The following TOX3 variants were observed in gnomAD, a reference collection of about 807,000 sequenced individuals.
The protein encoded by TOX3 is CAG trinucleotide repeat-containing gene F9 protein.
TOX3 carries 22 observed loss-of-function variants against 64.3 expected under a neutral mutation model. The observed-to-expected ratio is 0.34, with a 90% CI of 0.24 to 0.49. The LOEUF is 0.49. Ranked by LOEUF, TOX3 falls within the 20% of genes least tolerant of loss-of-function variation. The probability of loss-of-function intolerance (pLI) is 0.99; values close to 1 mark genes in which losing one functional copy is unlikely to be tolerated. For missense variants in TOX3, 661 were observed against 714.4 expected (o/e 0.93, Z 0.85); for synonymous variants, 291 against 273.6 (o/e 1.06, Z -0.63).
intron 1 of TOX3, among the ~76,000 whole-genome samples, chr16:52,469,090 G>A (rs533037282): frequency 9.2e-5 from 14 of 152,218 alleles, no homozygotes; most frequent in African/African-American, 3.1e-4. Context: ...TAAGACTAAA[G>A]AATATTTTTA....
chr16:52,486,003 C>T (rs1009389913), intron 1 of TOX3, among the ~76,000 whole-genome samples: 4 of 152,146 alleles, frequency 2.6e-5, no homozygotes, highest in South Asian at 2.1e-4. Flanking sequence ...GGCCAAAGCA[C>T]GGGTGCATTT....
Position 52,439,781 on chromosome 16 carries a change from A to T in TOX3, c.1175T>A (p.Leu392His). Residue 392 changes from leucine (L) to histidine (H), a missense_variant, in exon 7 of 7, where the codon CTC becomes CAC. By Grantham distance (99) the Leu-to-His change is moderately conservative (BLOSUM62 -3). Coordinates refer to ENST00000219746, the MANE Select transcript of TOX3 (RefSeq NM_001080430.4). The stretch of plus-strand genomic sequence containing the variant: ...TGATGTGACAATCTGGTTCATGGGG[A>T]GTCTCATGGTTAAGGGTTTGGGAGC... ...SIAPKPLTMRLPMNQIVTSVT... is the reference protein window; with the variant it reads ...SIAPKPLTMRHPMNQIVTSVT... 1 of 1,613,832 alleles carries T rather than the reference A, an allele frequency of 6.2e-7. No individual in the cohort carries two copies. Among genetic ancestry groups the T allele is most frequent in the Non-Finnish European group, 8.5e-7 (1 of 1,179,846 alleles).
chr16:52,498,783 G>A (rs571637598), intron 1 of TOX3, among the ~76,000 whole-genome samples: 1 of 152,318 alleles, frequency 6.6e-6, no homozygotes, highest in South Asian at 2.1e-4. Context: ...CTGCTTCCCC[G>A]TGCATCGCCA....
chr16:52,476,826 AT>A (rs1961221366), intron 1 of TOX3, among the ~76,000 whole-genome samples: 1 of 152,146 alleles, frequency 6.6e-6, no homozygotes, highest in South Asian at 2.1e-4. Flanking sequence ...ATGACTGTTG[AT>A]TTTAAGGGGT....
At chr16:52,521,540 T>C (rs543076528) in intron 1 of TOX3, among the ~76,000 whole-genome samples, 17 of 152,326 alleles carry the variant, frequency 1.1e-4, no homozygotes, top group South Asian at 2.1e-4. Context: ...CCCTTAAATA[T>C]GTTTTGCCTT....
chr16:52,463,250 A>G (rs754984461), intron 3 of TOX3, among the ~76,000 whole-genome samples: 1 of 152,218 alleles, frequency 6.6e-6, no homozygotes, highest in Non-Finnish European at 1.5e-5. Context: ...GAAAAAAAAG[A>G]AAAATCCCAG....
intron 4 of TOX3, among the ~76,000 whole-genome samples, chr16:52,446,935 T>C: frequency 6.6e-6 from 1 of 152,158 alleles, no homozygotes; most frequent in East Asian, 1.9e-4. Flanking sequence ...CAATAGTTGA[T>C]ACTTAAAAAT....
At chr16:52,531,439 T>A (rs1428697121) in intron 1 of TOX3, among the ~76,000 whole-genome samples, 1 of 152,202 alleles carries the variant, frequency 6.6e-6, no homozygotes, top group Non-Finnish European at 1.5e-5. Flanking sequence ...GTGTTCAATG[T>A]CAAGTTGAGG....
intron 1 of TOX3, among the ~76,000 whole-genome samples, chr16:52,490,531 A>T (rs576651735): frequency 6.6e-6 from 1 of 152,080 alleles, no homozygotes; most frequent in South Asian, 2.1e-4. Flanking sequence ...TGAACACTTC[A>T]CAAGGGGGAA....
chr16:52,516,482 C>A (rs1197876514), intron 1 of TOX3, among the ~76,000 whole-genome samples: 1 of 152,144 alleles, frequency 6.6e-6, no homozygotes, highest in Non-Finnish European at 1.5e-5. Context: ...TCTAAGTAGC[C>A]AATAATTGGA....
In TOX3 at chr16:52,546,887, G is replaced by A. The variant is rs1220327320; in HGVS notation, c.-164C>T. The A allele has an allele frequency of 8.6e-7, 1 of 1,158,298 alleles. No individual in the cohort carries two copies. Among genetic ancestry groups the A allele is most frequent in the Admixed American group, 4.8e-5 (1 of 21,022 alleles). 71.8% of individuals were successfully genotyped at this position (1,158,298 alleles called of 1,614,324 possible). A position where few individuals can be genotyped will look rare whatever the true frequency, so the allele number is the denominator to read the frequency against. ...CCAGAGCCCGAGGAGCTCGGGAGCC[G>A]CGGCCGCCGCACACAAAGGCGCGGC... On this transcript the variant is annotated 5_prime_UTR_variant, in exon 1 of 7. Transcript: ENST00000219746.
At chr16:52,514,861 A>C (rs1013702259) in intron 1 of TOX3, among the ~76,000 whole-genome samples, 6 of 151,930 alleles carry the variant, frequency 3.9e-5, no homozygotes, top group African/African-American at 1.5e-4. Flanking sequence ...AATATAAAAA[A>C]TCAGCCGGGC....
At chr16:52,468,290 C>T (rs1368098512) in intron 2 of TOX3, among the ~76,000 whole-genome samples, 2 of 152,066 alleles carry the variant, frequency 1.3e-5, no homozygotes, top group Non-Finnish European at 2.9e-5. Flanking sequence ...TCAAAAGATT[C>T]GTATGAAGTT....
intron 1 of TOX3, among the ~76,000 whole-genome samples, chr16:52,542,070 G>A (rs1963087357): frequency 1.3e-5 from 2 of 152,172 alleles, no homozygotes; most frequent in Non-Finnish European, 2.9e-5. Flanking sequence ...TAGATTAAAT[G>A]CAGGATGTGG....
chr16:52,453,142 T>G (rs1960405928), intron 3 of TOX3, among the ~76,000 whole-genome samples: 2 of 151,978 alleles, frequency 1.3e-5, no homozygotes, highest in Admixed American at 1.3e-4. Flanking sequence ...AATTACGCCA[T>G]CTAGCTTATT....
intron 5 of TOX3, chr16:52,445,298 T>A (rs558728835): frequency 2.0e-5 from 3 of 152,236 alleles, no homozygotes; most frequent in African/African-American, 7.2e-5. Context: ...TAGGAGTTGA[T>A]CTATTCTTCT....
At position 52,463,925 on chromosome 16, in the gene TOX3, G is replaced by T. The variant is rs769493638; in HGVS notation, c.408+9C>A. On this transcript the variant is annotated intron_variant, in intron 3 of 6. Coordinates refer to ENST00000219746, the MANE Select transcript of TOX3 (RefSeq NM_001080430.4). The stretch of plus-strand genomic sequence containing the variant: ...AAAAAATAATTTAAGTAATAAATGT[G>T]GTGCCTACCATATGCAACCCACTGC... 1 of 1,493,792 alleles carries T rather than the reference G, an allele frequency of 6.7e-7. No individual in the cohort carries two copies. Among genetic ancestry groups the T allele is most frequent in the Non-Finnish European group, 8.9e-7 (1 of 1,120,284 alleles). 92.5% of individuals were successfully genotyped at this position (1,493,792 alleles called of 1,614,324 possible).
Position 52,439,600 on chromosome 16 carries a change from T to TTGCTGC in TOX3, c.1350_1355dup (p.Gln454_Gln455dup), listed in dbSNP as rs539707755. 6.9e-6 allele frequency: 11 copies of TTGCTGC among 1,598,888 alleles called. No individual in the cohort carries two copies. The highest frequency in any genetic ancestry group is 4.4e-5 in the South Asian group (4 of 90,312). On this transcript the variant is annotated inframe_insertion, in exon 7 of 7. Coordinates refer to ENST00000219746, the MANE Select transcript of TOX3 (RefSeq NM_001080430.4). ...GCTGCATCTGTTGCATCTGTTGTTG[T>TTGCTGC]TGCTGCTGCTGCTGCTGCTGCAATT...
chr16:52,441,694 G>A (rs935315905), intron 6 of TOX3, among the ~76,000 whole-genome samples: 6 of 152,056 alleles, frequency 3.9e-5, no homozygotes, highest in Non-Finnish European at 8.8e-5. Flanking sequence ...TTATGACTCC[G>A]ATTTATAAAA....
Sources: gnomAD v4.1 joint callset for allele counts (sites outside exome capture counted in the v4.1 genomes callset) on GRCh38, gnomAD v4.1.1 for gene constraint, MANE v1.5 for transcripts, NCBI Gene and HGNC (gene_info 2026-07-23, HGNC 2026-07-21) for gene names.